LIPN: variants seen among roughly 807,000 people sequenced by gnomAD.
LIPN encodes lipase member N.
In LIPN, 32 loss-of-function variants were observed where a neutral mutation model predicts 43.7. The ratio of observed to expected loss-of-function variants is 0.73; its 90% CI spans 0.55 to 0.98. The LOEUF (loss-of-function observed/expected upper bound fraction) is 0.98. Ranked by LOEUF, LIPN falls within the 50% of genes least tolerant of loss-of-function variation. The pLI, the probability that LIPN is intolerant of heterozygous loss-of-function variation, is 0.00. For synonymous variants in LIPN, 156 were observed against 157.6 expected (o/e 0.99, Z 0.08); for missense variants, 505 against 483.8 (o/e 1.04, Z -0.41).
At chr10:88,771,828 A>G (rs908182458) in intron 7 of LIPN, among the ~76,000 whole-genome samples, 7 of 151,640 alleles carry the variant, frequency 4.6e-5, no homozygotes, top group Admixed American at 6.6e-5. Context: ...AGGATCCCTC[A>G]TACTCTTCCC....
intron 3 of LIPN, among the ~76,000 whole-genome samples, chr10:88,762,583 T>C (rs542172155): frequency 1.7e-4 from 26 of 152,180 alleles, no homozygotes; most frequent in Admixed American, 2.6e-4. Flanking sequence ...TTTTGTCACC[T>C]CATTACTGAT....
At chr10:88,774,399 C>A in intron 7 of LIPN, 74 bp from the exon 8 acceptor site, 1 of 860,134 alleles carries the variant, frequency 1.2e-6, no homozygotes, top group Admixed American at 1.9e-5. Context: ...TAATTCTGTG[C>A]ATCATTTTTC....
intron 7 of LIPN, 95 bp downstream of exon 7, chr10:88,771,086 A>G (rs963569101): frequency 7.4e-6 from 8 of 1,081,572 alleles, no homozygotes; most frequent in South Asian, 1.8e-5. Context: ...ATAAATTCAT[A>G]TGGTATTCCA....
In LIPN at chr10:88,768,936, C is replaced by T; in HGVS notation, c.672+8C>T. On this transcript the variant is annotated splice_region_variant and intron_variant, in intron 6 of 9. Transcript: ENST00000404459. ...CCAAATTCCATAATCAAGGTAGGCT[C>T]CTTTCAACAAAATGTACCTGAGGAT... 6.2e-7 allele frequency: 1 copy of T among 1,609,404 alleles called. No homozygotes were observed. The highest frequency in any genetic ancestry group is 8.5e-7 in the Non-Finnish European group (1 of 1,176,876).
intron 6 of LIPN, 64 bp from the exon 7 acceptor site, chr10:88,770,781 T>C (rs1843191754): frequency 1.0e-6 from 1 of 999,996 alleles, no homozygotes; most frequent in Admixed American, 2.6e-5. Context: ...ACTAATCCCT[T>C]GTAATATGGA....
chr10:88,769,512 G>T (rs1843169317), intron 6 of LIPN: 7 of 728,866 alleles, frequency 9.6e-6, no homozygotes, highest in Non-Finnish European at 1.1e-5. Flanking sequence ...TCTATTAAAG[G>T]GTTTTTTTTT....
At chr10:88,763,458 A>T (rs529275103) in intron 3 of LIPN, among the ~76,000 whole-genome samples, 2 of 152,228 alleles carry the variant, frequency 1.3e-5, no homozygotes, top group East Asian at 3.9e-4. Flanking sequence ...ATTAAAGATC[A>T]TTCATTAGAT....
At chr10:88,769,001 C>T (rs1326816432) in intron 6 of LIPN, 73 bp downstream of exon 6, 3 of 1,420,240 alleles carry the variant, frequency 2.1e-6, no homozygotes, top group Non-Finnish European at 2.9e-6. Context: ...TTCAAATCTA[C>T]TGTAAAGTAA....
chr10:88,777,145 C>A (rs1387952140), intron 9 of LIPN, among the ~76,000 whole-genome samples: 3 of 152,086 alleles, frequency 2.0e-5, no homozygotes, highest in Admixed American at 2.0e-4. Flanking sequence ...AATGGCCTAT[C>A]TTCACCTTTT....
chr10:88,759,693 G>A (rs1403583353), upstream of LIPN, among the ~76,000 whole-genome samples: 2 of 152,052 alleles, frequency 1.3e-5, no homozygotes, highest in East Asian at 3.9e-4. Flanking sequence ...TCCTCATGAA[G>A]GATCAAATGG....
chr10:88,773,913 G>GA (rs149656284), intron 7 of LIPN, among the ~76,000 whole-genome samples: 2,570 of 151,876 alleles, frequency 0.017, 14 homozygotes, highest in Middle Eastern at 0.031. Context: ...ATAACCTTTG[G>GA]AAAAAATTGG....
At chr10:88,775,204 A>G (rs1843277239) in intron 9 of LIPN, 41 bp downstream of exon 9, 1 of 1,367,432 alleles carries the variant, frequency 7.3e-7, no homozygotes, top group South Asian at 1.4e-5. Context: ...GATTTTGATA[A>G]ATTATAATAA....
chr10:88,772,877 A>G (rs1843234456), intron 7 of LIPN, among the ~76,000 whole-genome samples: 1 of 151,816 alleles, frequency 6.6e-6, no homozygotes, highest in Admixed American at 6.6e-5. Context: ...AAGAAAAAAA[A>G]AACAAGAAAT....
intron 3 of LIPN, among the ~76,000 whole-genome samples, chr10:88,762,981 A>G (rs1383969344): frequency 6.6e-6 from 1 of 152,066 alleles, no homozygotes; most frequent in East Asian, 1.9e-4. Flanking sequence ...AAGAATAACC[A>G]AAATATCTGC....
chr10:88,764,567 C>G lies in LIPN; in HGVS notation c.384C>G (p.His128Gln). 2 of 1,611,268 alleles carry G rather than the reference C, an allele frequency of 1.2e-6. No homozygotes were observed. Among genetic ancestry groups the G allele is most frequent in the Non-Finnish European group, 1.7e-6 (2 of 1,178,478 alleles). The change falls in exon 4 of 10, where the codon CAC becomes CAG. Residue 128 changes from histidine (H) to glutamine (Q), a missense_variant. His to Gln is a conservative substitution (Grantham distance 24). Coordinates refer to ENST00000404459, the MANE Select transcript of LIPN (RefSeq NM_001102469.2). ...NSRGNTWSRR[H>Q]KTLSETDEKF... The stretch of plus-strand genomic sequence containing the variant: ...GGGGAAACACTTGGTCAAGAAGACA[C>G]AAAACACTCTCAGAGACAGATGAGA...
At chr10:88,769,700 G>A (rs1038344322) in intron 6 of LIPN, 3 of 471,008 alleles carry the variant, frequency 6.4e-6, no homozygotes, top group Admixed American at 6.4e-5. Flanking sequence ...AAAATGAGAC[G>A]TTGGTTTGGG....
chr10:88,757,973 A>T (rs973996797), upstream of LIPN, among the ~76,000 whole-genome samples: 1 of 152,110 alleles, frequency 6.6e-6, no homozygotes, highest in African/African-American at 2.4e-5. Flanking sequence ...TGAGGTTCAA[A>T]TTATTTATTT....
chr10:88,775,134 G>C lies in LIPN; in HGVS notation c.934G>C (p.Asp312His). The C allele has an allele frequency of 6.5e-7, 1 of 1,546,590 alleles. No homozygotes were observed. The highest frequency in any genetic ancestry group is 8.7e-7 in the Non-Finnish European group (1 of 1,143,496). ...DEFRAYDWGN[D>H]ADNMKHYNQS... ...ATTCAGAGCTTATGACTGGGGAAATGACGCTGATAATATGAAACATTACAA... is the reference window on the plus strand; with the variant it reads ...ATTCAGAGCTTATGACTGGGGAAATCACGCTGATAATATGAAACATTACAA... Residue 312 changes from aspartate to histidine, a missense_variant, in exon 9 of 10, where the codon GAC becomes CAC. Coordinates refer to ENST00000404459, the MANE Select transcript of LIPN (RefSeq NM_001102469.2).
At position 88,774,558 on chromosome 10, in the gene LIPN, C is replaced by G. The variant is rs953298723; in HGVS notation, c.891+14C>G. ...CATATAAAACAGGTAGAGTCTTAGT[C>G]ATGGAAAACCATTCCAATCCTTATT... On this transcript the variant is annotated intron_variant, in intron 8 of 9. Coordinates refer to ENST00000404459, the MANE Select transcript of LIPN (RefSeq NM_001102469.2). The G allele has an allele frequency of 6.3e-7, 1 of 1,586,146 alleles. No homozygotes were observed. Among genetic ancestry groups the G allele is most frequent in the Admixed American group, 1.7e-5 (1 of 59,702 alleles).
Sources: allele counts gnomAD v4.1 joint callset (sites outside exome capture counted in the v4.1 genomes callset), GRCh38; gene constraint gnomAD v4.1.1; transcripts MANE v1.5; gene names NCBI Gene and HGNC (gene_info 2026-07-23, HGNC 2026-07-21).